The following MYO1D variants were observed in gnomAD, a reference collection of about 807,000 sequenced individuals.
MYO1D encodes the protein myosin ID, also known as unconventional myosin-Id.
MYO1D carries 83 observed loss-of-function variants against 122.0 expected under a neutral mutation model. That is an observed-to-expected ratio of 0.68 (90% CI 0.57 to 0.82). The LOEUF is 0.82. Ranked by LOEUF, MYO1D falls within the 40% of genes least tolerant of loss-of-function variation. MYO1D has a pLI of 0.00. For synonymous variants in MYO1D, 464 were observed against 446.9 expected (o/e 1.04, Z -0.48); for missense variants, 1,157 against 1,269.5 (o/e 0.91, Z 1.35).
chr17:32,575,212 A>AT (rs761880920), intron 21 of MYO1D, among the ~76,000 whole-genome samples: 8 of 152,210 alleles, frequency 5.3e-5, no homozygotes, highest in Non-Finnish European at 1.0e-4. Flanking sequence ...ATTAGCAGGT[A>AT]TTTAAATAAA....
intron 20 of MYO1D, among the ~76,000 whole-genome samples, chr17:32,634,392 A>G (rs1002112703): frequency 6.6e-6 from 1 of 152,240 alleles, no homozygotes; most frequent in Admixed American, 6.5e-5. Flanking sequence ...CCAGCAGTTC[A>G]TGGTCTGTAC....
At chr17:32,606,957 C>T (rs773450796) in intron 20 of MYO1D, among the ~76,000 whole-genome samples, 7 of 152,112 alleles carry the variant, frequency 4.6e-5, no homozygotes, top group African/African-American at 7.2e-5. Context: ...GTCAGGGGTT[C>T]GAGACCAGCC....
intron 16 of MYO1D, among the ~76,000 whole-genome samples, chr17:32,697,859 C>A (rs1567954485): frequency 1.3e-5 from 2 of 152,204 alleles, no homozygotes; most frequent in African/African-American, 4.8e-5. Context: ...GCATGATGCA[C>A]ATCACCTTTG....
chr17:32,601,415 C>T (rs1276586901), intron 21 of MYO1D, among the ~76,000 whole-genome samples: 6 of 152,212 alleles, frequency 3.9e-5, no homozygotes, highest in South Asian at 4.1e-4. Flanking sequence ...GCAGTCAGAA[C>T]GCACACGACA....
intron 16 of MYO1D, among the ~76,000 whole-genome samples, chr17:32,679,653 G>C (rs1239041516): frequency 2.6e-5 from 4 of 152,232 alleles, no homozygotes; most frequent in African/African-American, 7.2e-5. Context: ...TGCTGTTTTG[G>C]TTACTGTAGC....
chr17:32,849,827 G>T (rs956810275), intron 1 of MYO1D, among the ~76,000 whole-genome samples: 3 of 151,282 alleles, frequency 2.0e-5, no homozygotes, highest in African/African-American at 7.3e-5. Context: ...AAAAAATTAA[G>T]TGTTTTCATC....
At chr17:32,570,835 C>T (rs534161644) in intron 21 of MYO1D, among the ~76,000 whole-genome samples, 1 of 152,272 alleles carries the variant, frequency 6.6e-6, no homozygotes, top group African/African-American at 2.4e-5. Flanking sequence ...GGAAACTTAA[C>T]ACAACATTCA....
At chr17:32,609,524 T>G (rs528416898) in intron 20 of MYO1D, among the ~76,000 whole-genome samples, 52 of 152,190 alleles carry the variant, frequency 3.4e-4, no homozygotes, top group Non-Finnish European at 6.2e-4. Context: ...CTTAGTTCCA[T>G]GCCTATGTTT....
intron 1 of MYO1D, among the ~76,000 whole-genome samples, chr17:32,829,845 G>C (rs1198915882): frequency 1.3e-5 from 2 of 152,136 alleles, no homozygotes; most frequent in Admixed American, 6.5e-5. Context: ...GAAATGAAAA[G>C]TCCCTAGCAT....
chr17:32,500,068 G>A (rs1166313948), intron 21 of MYO1D, among the ~76,000 whole-genome samples: 2 of 152,230 alleles, frequency 1.3e-5, no homozygotes, highest in African/African-American at 4.8e-5. Flanking sequence ...GCAAGGTCCT[G>A]GCGGGGAGGG....
At chr17:32,747,203 T>A (rs1486745687) in intron 12 of MYO1D, among the ~76,000 whole-genome samples, 1 of 152,240 alleles carries the variant, frequency 6.6e-6, no homozygotes, top group African/African-American at 2.4e-5. Context: ...TATTAAAATT[T>A]CTTCAAACAT....
chr17:32,589,933 C>A (rs2087423683), intron 21 of MYO1D, among the ~76,000 whole-genome samples: 2 of 152,276 alleles, frequency 1.3e-5, no homozygotes, highest in African/African-American at 4.8e-5. Context: ...TTTCTCTGTT[C>A]AATTAACTCT....
intron 19 of MYO1D, among the ~76,000 whole-genome samples, chr17:32,649,308 C>G (rs2150947132): frequency 6.6e-6 from 1 of 152,258 alleles, no homozygotes; most frequent in African/African-American, 2.4e-5. Context: ...CCAGAACTTT[C>G]ATCATTCCAA....
intron 16 of MYO1D, among the ~76,000 whole-genome samples, chr17:32,663,698 T>A (rs1257703737): frequency 6.6e-6 from 1 of 152,208 alleles, no homozygotes; most frequent in Non-Finnish European, 1.5e-5. Flanking sequence ...TTCTTGCTTG[T>A]GAAAGAAGTC....
chr17:32,739,385 T>C (rs1392209109), intron 13 of MYO1D, among the ~76,000 whole-genome samples: 1 of 149,976 alleles, frequency 6.7e-6, no homozygotes, highest in Non-Finnish European at 1.5e-5. Context: ...TAGCAAACTA[T>C]CGCAAGGACA....
At chr17:32,611,544 A>C (rs367695785) in intron 20 of MYO1D, among the ~76,000 whole-genome samples, 3 of 152,336 alleles carry the variant, frequency 2.0e-5, no homozygotes, top group East Asian at 3.9e-4. Context: ...TCCTTTTTTA[A>C]AACAGAAAAC....
chr17:32,565,035 GCT>G (rs1340183240), intron 21 of MYO1D, among the ~76,000 whole-genome samples: 1 of 150,642 alleles, frequency 6.6e-6, no homozygotes, highest in African/African-American at 2.5e-5. Flanking sequence ...ATGGCTTCTT[GCT>G]CTGTCACCCA....
intron 8 of MYO1D, among the ~76,000 whole-genome samples, chr17:32,763,046 C>T (rs964540065): frequency 4.6e-5 from 7 of 151,574 alleles, no homozygotes; most frequent in South Asian, 4.2e-4. Context: ...ATTAGCTGGG[C>T]GTGGTGGCGG....
chr17:32,706,463 CA>C (rs2089309710), intron 16 of MYO1D, among the ~76,000 whole-genome samples: 1 of 152,028 alleles, frequency 6.6e-6, no homozygotes, highest in African/African-American at 2.4e-5. Flanking sequence ...GCCAGGTTCT[CA>C]GATATTAAAA....
Sources: allele counts gnomAD v4.1 joint callset (sites outside exome capture counted in the v4.1 genomes callset), GRCh38; gene constraint gnomAD v4.1.1; transcripts MANE v1.5; gene names NCBI Gene and HGNC (gene_info 2026-07-23, HGNC 2026-07-21).